DYNC2H1: variants seen among roughly 807,000 people sequenced by gnomAD.
DYNC2H1 encodes the protein cytoplasmic dynein 2 heavy chain 1.
In DYNC2H1, 410 loss-of-function variants were observed where a neutral mutation model predicts 570.0. That is an observed-to-expected ratio of 0.72 (90% CI 0.66 to 0.78). The LOEUF (loss-of-function observed/expected upper bound fraction) is 0.78. Ranked by LOEUF, DYNC2H1 falls within the 30% of genes least tolerant of loss-of-function variation. The pLI, the probability that DYNC2H1 is intolerant of heterozygous loss-of-function variation, is 0.00. For missense variants in DYNC2H1, 4,865 were observed against 5,046.4 expected, an observed-to-expected ratio of 0.96 and a Z score of 1.09; for synonymous variants, 1,688 against 1,677.6, an observed-to-expected ratio of 1.01 and a Z score of -0.15.
chr11:103,202,666 G>A (rs1470281009), intron 50 of DYNC2H1, among the ~76,000 whole-genome samples: 10 of 152,114 alleles, frequency 6.6e-5, no homozygotes, highest in Non-Finnish European at 1.2e-4. Flanking sequence ...CTAAAGAAAA[G>A]TAGGGATCAG....
chr11:103,443,690 C>A (rs920769040), intron 85 of DYNC2H1, among the ~76,000 whole-genome samples: 5 of 151,684 alleles, frequency 3.3e-5, no homozygotes, highest in Non-Finnish European at 7.4e-5. Flanking sequence ...AGATTCAAAA[C>A]CTCAACAGGA....
intron 84 of DYNC2H1, among the ~76,000 whole-genome samples, chr11:103,429,544 T>C (rs1943813653): frequency 6.6e-6 from 1 of 152,200 alleles, no homozygotes; most frequent in Non-Finnish European, 1.5e-5. Flanking sequence ...AACTACAATC[T>C]GCTCTAACTT....
chr11:103,439,424 C>G lies in DYNC2H1; in HGVS notation c.12456+3392C>G, dbSNP rs114775097. Reference sequence around the variant, plus strand: ...AGCATAGATTGCAAGGAGGGGTGTTCAGGCTGGAGGGCAAGAGGGGCCAAA... The same window carrying G: ...AGCATAGATTGCAAGGAGGGGTGTTGAGGCTGGAGGGCAAGAGGGGCCAAA... On this transcript the variant is annotated intron_variant, in intron 85 of 88. Coordinates refer to ENST00000375735, the MANE Select transcript of DYNC2H1 (RefSeq NM_001377.3). This position sits in a 1 kb window ranked among gnomAD's most constrained non-coding sequence, Gnocchi z 4.1. Among the ~76,000 whole-genome samples, 788 of 152,178 alleles carry G rather than the reference C, an allele frequency of 5.2e-3. 7 individuals are homozygous for G. The highest frequency in any genetic ancestry group is 0.018 in the African/African-American group (755 of 41,538).
Position 103,231,365 on chromosome 11 carries a change from T to C in DYNC2H1, c.9440+19T>C. 6.6e-7 allele frequency: 1 copy of C among 1,523,590 alleles called. No individual in the cohort carries two copies. Among genetic ancestry groups the C allele is most frequent in the African/African-American group, 1.4e-5 (1 of 72,642 alleles). 94.4% of individuals were successfully genotyped at this position (1,523,590 alleles called of 1,614,324 possible). A position where few individuals can be genotyped will look rare whatever the true frequency, so the allele number is the denominator to read the frequency against. On this transcript the variant is annotated intron_variant, in intron 60 of 88. Coordinates refer to ENST00000375735, the MANE Select transcript of DYNC2H1 (RefSeq NM_001377.3). ...AAGAAAAGTAAGTTATATTTTGAAG[T>C]GTATTTTGGATAATGCTGAGAGTGT...
At chr11:103,253,951 T>C (rs1351545318) in intron 66 of DYNC2H1, among the ~76,000 whole-genome samples, 1 of 152,124 alleles carries the variant, frequency 6.6e-6, no homozygotes, top group Non-Finnish European at 1.5e-5. Flanking sequence ...ATTTTTCATG[T>C]CCATACTCAC....
chr11:103,139,635 C>G (rs1159038277), intron 17 of DYNC2H1, among the ~76,000 whole-genome samples: 1 of 151,618 alleles, frequency 6.6e-6, no homozygotes, highest in South Asian at 2.1e-4. Context: ...TTACTTCCAA[C>G]TATGTGGTCA....
chr11:103,143,998 A>C (rs555788638), intron 18 of DYNC2H1, among the ~76,000 whole-genome samples: 1 of 152,334 alleles, frequency 6.6e-6, no homozygotes, highest in Non-Finnish European at 1.5e-5. Context: ...TTATGTTTTC[A>C]TTATTTCAAT....
chr11:103,417,714 A>G (rs370619756), intron 84 of DYNC2H1, among the ~76,000 whole-genome samples: 46 of 152,098 alleles, frequency 3.0e-4, no homozygotes, highest in African/African-American at 1.0e-3. Context: ...TGTCTCTACT[A>G]AAAATACAAA....
At chr11:103,342,144 G>A (rs1939472696) in intron 82 of DYNC2H1, among the ~76,000 whole-genome samples, 1 of 152,046 alleles carries the variant, frequency 6.6e-6, no homozygotes, top group African/African-American at 2.4e-5. Context: ...GTGGGGACTT[G>A]GAAAACTTTT....
intron 18 of DYNC2H1, 118 bp downstream of exon 18, chr11:103,143,513 A>C (rs1860078108): frequency 3.4e-5 from 34 of 1,001,410 alleles, no homozygotes; most frequent in Non-Finnish European, 4.4e-5. Flanking sequence ...TCCAGATCTC[A>C]TTTATGACAC....
In DYNC2H1 at chr11:103,461,970, CAAAATT is replaced by C. The variant is rs1386678061; in HGVS notation, c.12648+5621_12648+5626del. 1.3e-5 allele frequency among the ~76,000 whole-genome samples: 2 copies of C among 152,002 alleles called. No homozygotes were observed. The highest frequency in any genetic ancestry group is 4.8e-5 in the African/African-American group (2 of 41,468). ...AAATATAATGTATTATCACAAATATCAAAATTAAAATTCCTTGGAATCATTTAATAT... is the reference window on the plus strand; with the variant it reads ...AAATATAATGTATTATCACAAATATCAAAATTCCTTGGAATCATTTAATAT... On this transcript the variant is annotated intron_variant, in intron 87 of 88. Transcript: ENST00000375735. The surrounding 1 kb of genome is among the most constrained non-coding windows in gnomAD (Gnocchi z 4.8).
Position 103,334,391 on chromosome 11 carries a change from A to T in DYNC2H1, c.12039+10401A>T, listed in dbSNP as rs1939002358. Among the ~76,000 whole-genome samples, 1 of 152,188 alleles carries T rather than the reference A, an allele frequency of 6.6e-6. No individual in the cohort carries two copies. Among genetic ancestry groups the T allele is most frequent in the Non-Finnish European group, 1.5e-5 (1 of 68,006 alleles). On this transcript the variant is annotated intron_variant, in intron 82 of 88. Transcript: ENST00000375735. This position sits in a 1 kb window ranked among gnomAD's most constrained non-coding sequence, Gnocchi z 4.3. ...TACAAGGAATATCTGTTGTAAATCA[A>T]TTATAAATTGTAAATCAATTGTAAA... is the stretch of plus-strand genomic sequence containing the variant.
Position 103,204,949 on chromosome 11 carries a change from T to C in DYNC2H1, c.8439T>C (p.Asn2813=), listed in dbSNP as rs536715145. 1.9e-6 allele frequency: 3 copies of C among 1,584,552 alleles called. No individual in the cohort carries two copies. The highest frequency in any genetic ancestry group is 2.7e-5 in the African/African-American group (2 of 74,278). Residue 2813 remains asparagine, a synonymous_variant, in exon 52 of 89, where the codon AAT becomes AAC. Transcript: ENST00000375735. The surrounding 1 kb of genome is among the most constrained non-coding windows in gnomAD (Gnocchi z 4.1). ...CQVLWMEGWS[N]SSMKKIPEML... is the part of the protein sequence containing the mutation. ...TGTTGTGGATGGAGGGTTGGTCCAA[T>C]AGCAGTATGAAGAAAGTAAGTTTAA...
chr11:103,301,989 G>A (rs907676592), intron 75 of DYNC2H1, among the ~76,000 whole-genome samples: 2 of 151,878 alleles, frequency 1.3e-5, no homozygotes, highest in African/African-American at 4.8e-5. Flanking sequence ...ATTCAAACAA[G>A]TATATTTTAA....
chr11:103,257,473 T>G (rs1865102234), intron 68 of DYNC2H1, 135 bp from the exon 69 acceptor site: 2 of 827,026 alleles, frequency 2.4e-6, no homozygotes, highest in East Asian at 3.1e-5. Flanking sequence ...TCATCTTCAT[T>G]TGTTTTATGT....
At chr11:103,474,584 G>T (rs767338351) in intron 88 of DYNC2H1, among the ~76,000 whole-genome samples, 20 of 152,030 alleles carry the variant, frequency 1.3e-4, no homozygotes, top group Non-Finnish European at 2.4e-4. Flanking sequence ...CTCTGTATCT[G>T]CAATTTCAGT....
chr11:103,193,503 C>A (rs530347050), intron 47 of DYNC2H1, among the ~76,000 whole-genome samples: 1 of 151,814 alleles, frequency 6.6e-6, no homozygotes, highest in African/African-American at 2.4e-5. Context: ...TGTTATTTTT[C>A]TCTTCAGTGA....
At chr11:103,112,742 T>C (rs550100547) in intron 1 of DYNC2H1, among the ~76,000 whole-genome samples, 1 of 152,326 alleles carries the variant, frequency 6.6e-6, no homozygotes, top group Non-Finnish European at 1.5e-5. Flanking sequence ...TGACCTTGTC[T>C]GAAAGCTTTT....
At chr11:103,171,176 A>C (rs569236555) in intron 34 of DYNC2H1, 108 bp downstream of exon 34, 1 of 1,022,244 alleles carries the variant, frequency 9.8e-7, no homozygotes, top group African/African-American at 1.6e-5. Context: ...CCGTGTTTCT[A>C]ATCTGTAACC....
Sources: allele counts gnomAD v4.1 joint callset (sites outside exome capture counted in the v4.1 genomes callset), GRCh38; gene constraint gnomAD v4.1.1; non-coding constraint Gnocchi (gnomAD v3.1); transcripts MANE v1.5; gene names NCBI Gene and HGNC (gene_info 2026-07-23, HGNC 2026-07-21).